PHF24: variants seen among roughly 807,000 people sequenced by gnomAD.
The protein encoded by PHF24 is PHD finger protein 24, also known as Galpha inhibitory interacting protein.
In PHF24, 25 loss-of-function variants were observed where a neutral mutation model predicts 42.6. The observed-to-expected ratio is 0.59, with a 90% CI of 0.43 to 0.82. PHF24 has a LOEUF of 0.82. Ranked by LOEUF, PHF24 falls within the 40% of genes least tolerant of loss-of-function variation. The pLI is 0.00. For synonymous variants in PHF24, 185 were observed against 204.8 expected (o/e 0.90, Z 0.83); for missense variants, 470 against 538.1 (o/e 0.87, Z 1.25).
At chr9:34,815,452 A>G in the PHF24 span, among the ~76,000 whole-genome samples, 790 of 152,252 alleles carry the variant, frequency 5.2e-3, 11 homozygotes, top group African/African-American at 0.018. Flanking sequence ...CCTCCCGAGT[A>G]GCTGGGACTA....
the PHF24 span, chr9:34,832,931 A>C: frequency 1.6e-5 from 25 of 1,551,578 alleles, no homozygotes; most frequent in Non-Finnish European, 2.0e-5. Flanking sequence ...TCGTGGAGGT[A>C]GCTGTGGGAG....
At chr9:34,942,938 A>G in the PHF24 span, among the ~76,000 whole-genome samples, 1 of 152,156 alleles carries the variant, frequency 6.6e-6, no homozygotes, top group African/African-American at 2.4e-5. Flanking sequence ...AACATGGTAC[A>G]TGTATACCTA....
chr9:34,805,406 G>C, the PHF24 span, among the ~76,000 whole-genome samples: 1 of 152,226 alleles, frequency 6.6e-6, no homozygotes, highest in Non-Finnish European at 1.5e-5. Flanking sequence ...ATCCCAGTGA[G>C]TATGAAGTGG....
the PHF24 span, among the ~76,000 whole-genome samples, chr9:34,938,333 CA>C: frequency 6.6e-6 from 1 of 152,180 alleles, no homozygotes. Context: ...AGGCCCACCC[CA>C]GGAATACAAA....
At chr9:34,795,144 T>C in the PHF24 span, among the ~76,000 whole-genome samples, 1 of 151,994 alleles carries the variant, frequency 6.6e-6, no homozygotes. Flanking sequence ...TCATCAGAAA[T>C]CATGGATTTC....
chr9:34,935,735 TGGGG>T, the PHF24 span, among the ~76,000 whole-genome samples: 1 of 120,990 alleles, frequency 8.3e-6, no homozygotes, highest in Non-Finnish European at 1.9e-5. Context: ...TATTTGTGTG[TGGGG>T]GGGGGGTGTG....
chr9:34,719,790 C>T, the PHF24 span, among the ~76,000 whole-genome samples: 2 of 152,182 alleles, frequency 1.3e-5, no homozygotes, highest in African/African-American at 4.8e-5. Context: ...GCTGCCTGCC[C>T]CACTCCCACC....
chr9:34,909,442 T>A, the PHF24 span, among the ~76,000 whole-genome samples: 1 of 151,840 alleles, frequency 6.6e-6, no homozygotes, highest in Non-Finnish European at 1.5e-5. Flanking sequence ...AAACTGAGCC[T>A]CATCTAGGCC....
chr9:34,798,511 C>T, the PHF24 span, among the ~76,000 whole-genome samples: 21 of 152,240 alleles, frequency 1.4e-4, no homozygotes, highest in East Asian at 3.9e-3. Context: ...TAATGGACTC[C>T]AGCTGCATCC....
At chr9:34,816,873 C>T in the PHF24 span, among the ~76,000 whole-genome samples, 1 of 152,322 alleles carries the variant, frequency 6.6e-6, no homozygotes, top group South Asian at 2.1e-4. Context: ...GCAATTTGTT[C>T]TTGTACCACT....
chr9:34,736,409 A>G, the PHF24 span, among the ~76,000 whole-genome samples: 6 of 152,100 alleles, frequency 3.9e-5, no homozygotes, highest in Non-Finnish European at 8.8e-5. Context: ...CAGCCTCAAG[A>G]GACCCTCCCA....
chr9:34,835,664 C>A, the PHF24 span: 30 of 1,551,312 alleles, frequency 1.9e-5, no homozygotes, highest in Non-Finnish European at 2.4e-5. Flanking sequence ...CCCCGGAGCA[C>A]AGCTGGCACT....
At chr9:34,792,488 T>C in the PHF24 span, among the ~76,000 whole-genome samples, 1 of 152,144 alleles carries the variant, frequency 6.6e-6, no homozygotes, top group East Asian at 1.9e-4. Flanking sequence ...CTGACCAACA[T>C]GGAGAAATCC....
At chr9:34,936,706 C>A in the PHF24 span, among the ~76,000 whole-genome samples, 1 of 149,508 alleles carries the variant, frequency 6.7e-6, no homozygotes, top group South Asian at 2.1e-4. Context: ...ATGTGGGGAG[C>A]GCCTCTGCCC....
the PHF24 span, among the ~76,000 whole-genome samples, chr9:34,794,517 A>G: frequency 6.6e-6 from 1 of 152,226 alleles, no homozygotes; most frequent in Admixed American, 6.5e-5. Context: ...ACAGAAATTG[A>G]AATTATCTGA....
At chr9:34,677,989 G>A in the PHF24 span, 4 of 152,250 alleles carry the variant, frequency 2.6e-5, no homozygotes, top group African/African-American at 4.8e-5. Context: ...GTGTGTCTGT[G>A]AGGGTGTTGC....
At chr9:34,875,807 T>C in the PHF24 span, among the ~76,000 whole-genome samples, 1 of 151,938 alleles carries the variant, frequency 6.6e-6, no homozygotes, top group Non-Finnish European at 1.5e-5. Context: ...CATCTGGTGC[T>C]CATGAGGCAT....
the PHF24 span, among the ~76,000 whole-genome samples, chr9:34,786,915 T>C: frequency 1.3e-5 from 2 of 150,454 alleles, no homozygotes; most frequent in Non-Finnish European, 3.0e-5. Flanking sequence ...TTACCATCTC[T>C]TGTTCCTTAC....
At chr9:34,706,538 G>T in the PHF24 span, among the ~76,000 whole-genome samples, 1 of 152,112 alleles carries the variant, frequency 6.6e-6, no homozygotes, top group African/African-American at 2.4e-5. Context: ...AAGAGAATAA[G>T]AGAGAAAAGA....
Sources: gnomAD v4.1 joint callset for allele counts (sites outside exome capture counted in the v4.1 genomes callset) on GRCh38, gnomAD v4.1.1 for gene constraint, MANE v1.5 for transcripts, NCBI Gene and HGNC (gene_info 2026-07-23, HGNC 2026-07-21) for gene names.